Variants in CLN3 observed in about 807,000 individuals in gnomAD.
CLN3 encodes the protein battenin.
In CLN3, 49 loss-of-function variants were observed where a neutral mutation model predicts 60.7. The observed-to-expected ratio is 0.81, with a 90% CI of 0.64 to 1.02. CLN3 has a LOEUF of 1.02. Ranked by LOEUF, CLN3 falls within the 50% of genes least tolerant of loss-of-function variation. The probability of loss-of-function intolerance (pLI) is 0.00; values close to 1 mark genes in which losing one functional copy is unlikely to be tolerated. For synonymous variants in CLN3, 256 were observed against 245.8 expected, an observed-to-expected ratio of 1.04 and a Z score of -0.39; for missense variants, 516 against 557.4, an observed-to-expected ratio of 0.93 and a Z score of 0.75.
At chr16:28,487,195 G>A in intron 7 of CLN3, 1 of 561,908 alleles carries the variant, frequency 1.8e-6, no homozygotes, top group Non-Finnish European at 3.2e-6. Context: ...ATAGGCATGA[G>A]TCACTGTGCC....
chr16:28,477,930 G>A, intron 14 of CLN3, 53 bp from the exon 15 acceptor site: 2 of 1,602,504 alleles, frequency 1.2e-6, no homozygotes, highest in Non-Finnish European at 8.5e-7. Flanking sequence ...CAGGGAAGGA[G>A]AGGTGGCCTC....
chr16:28,483,295 C>A (rs2046136225), intron 10 of CLN3, among the ~76,000 whole-genome samples: 1 of 151,772 alleles, frequency 6.6e-6, no homozygotes, highest in Non-Finnish European at 1.5e-5. Context: ...AATCTCAGCT[C>A]ACTGCAGCCT....
chr16:28,482,121 G>A lies in CLN3; in HGVS notation c.1040C>T (p.Ala347Val), dbSNP rs1254880762. ...GTTTGGTACCTGCAGCAGGGCCAGGGCCCAGGTGAAACGGATGCGACAGCA... is the reference window on the plus strand; with the variant it reads ...GTTTGGTACCTGCAGCAGGGCCAGGACCCAGGTGAAACGGATGCGACAGCA... ...LRCCRIRFTW[A>V]LALLQCLNLV... is the part of the protein sequence containing the mutation. The change falls in exon 14 of 16, where the codon GCC (alanine) becomes GTC (valine). Residue 347 changes from alanine (A) to valine (V), a missense_variant. Coordinates refer to ENST00000636147, the MANE Select transcript of CLN3 (RefSeq NM_001042432.2). 3.1e-6 allele frequency: 5 copies of A among 1,613,256 alleles called. No homozygotes were observed. The highest frequency in any genetic ancestry group is 4.2e-6 in the Non-Finnish European group (5 of 1,179,800).
chr16:28,481,229 G>A (rs2046085189), intron 14 of CLN3, among the ~76,000 whole-genome samples: 1 of 151,944 alleles, frequency 6.6e-6, no homozygotes, highest in African/African-American at 2.4e-5. Flanking sequence ...TCCCACCTCA[G>A]CTTCCCAGTA....
downstream of CLN3, chr16:28,474,165 G>A (rs2045973296): frequency 6.6e-6 from 1 of 152,310 alleles, no homozygotes; most frequent in South Asian, 2.1e-4. Context: ...CTACTTGGGA[G>A]GCTGAGGCAG....
chr16:28,487,076 A>G (rs2607004), intron 7 of CLN3: 2 of 361,964 alleles, frequency 5.5e-6, no homozygotes, highest in Non-Finnish European at 1.1e-5. Context: ...ACACCCAGCT[A>G]ATTTTTGTAT....
chr16:28,488,393 T>G, intron 5 of CLN3, 198 bp downstream of exon 5: 3 of 522,936 alleles, frequency 5.7e-6, no homozygotes. Context: ...CAGGCTGGTC[T>G]CAAACTCCTA....
At chr16:28,486,815 G>A (rs550731355) in intron 7 of CLN3, 165 bp from the exon 8 acceptor site, 182 of 709,494 alleles carry the variant, frequency 2.6e-4, no homozygotes, top group Middle Eastern at 2.6e-3. Context: ...ACTCCCCTGC[G>A]TGTCCCTTCA....
intron 9 of CLN3, among the ~76,000 whole-genome samples, chr16:28,485,493 G>A (rs1266072096): frequency 7.4e-5 from 11 of 147,974 alleles, no homozygotes; most frequent in South Asian, 2.1e-4. Context: ...ACTAGAGCCC[G>A]GGAGGCCGAG....
chr16:28,492,042 T>C lies in CLN3; in HGVS notation c.-99A>G, dbSNP rs893095747. The C allele has an allele frequency of 3.6e-6, 2 of 558,918 alleles. No individual in the cohort carries two copies. The highest frequency in any genetic ancestry group is 6.4e-6 in the Non-Finnish European group (2 of 310,804). The allele number at this position is 558,918 out of a possible 1,614,324, so 34.6% of individuals were successfully genotyped here. ...TACCTTTAAGAGCAGCAGAATGTTC[T>C]GCACTATGCAGAGGCCGTTTGTCGG... is the stretch of plus-strand genomic sequence containing the variant. On this transcript the variant is annotated 5_prime_UTR_variant, in exon 1 of 16. Coordinates refer to ENST00000636147, the MANE Select transcript of CLN3 (RefSeq NM_001042432.2).
chr16:28,467,033 T>TG, the CLN3 span: 1 of 265,070 alleles, frequency 3.8e-6, no homozygotes, highest in Non-Finnish European at 6.9e-6. Context: ...CACCGTGGGA[T>TG]TCCACTGCTA....
rs1469502451 is a variant in CLN3, at chr16:28,486,097, A to C, written c.677+250T>G. 6.6e-5 allele frequency among the ~76,000 whole-genome samples: 10 copies of C among 151,816 alleles called. No individual in the cohort carries two copies. In the East Asian group the frequency reaches 1.2e-3, roughly 18 times the overall value. ...ACTGCCACCACTGCCTCCGGGGTTC[A>C]AGCGATTCTCCTGCCTTAGCCTCCT... On this transcript the variant is annotated intron_variant, in intron 9 of 15. Transcript: ENST00000636147.
intron 9 of CLN3, chr16:28,484,496 G>A (rs754133235): frequency 4.4e-5 from 11 of 250,588 alleles, no homozygotes; most frequent in Non-Finnish European, 7.2e-5. Flanking sequence ...CTACAGGCAC[G>A]TGCCACCAAG....
chr16:28,482,281 G>A (rs1439081181), intron 13 of CLN3, 46 bp downstream of exon 13: 1 of 1,606,866 alleles, frequency 6.2e-7, no homozygotes. Flanking sequence ...CAGGGCAGCT[G>A]CATCACCACG....
intron 14 of CLN3, chr16:28,479,785 C>T (rs2046057221): frequency 4.8e-6 from 1 of 209,424 alleles, no homozygotes; most frequent in African/African-American, 2.3e-5. Flanking sequence ...CAAAACAAAA[C>T]AAAAAACATT....
intron 9 of CLN3, among the ~76,000 whole-genome samples, chr16:28,486,008 T>C (rs1047216976): frequency 6.6e-6 from 1 of 151,468 alleles, no homozygotes; most frequent in African/African-American, 2.4e-5. Flanking sequence ...TTTTTTTTTT[T>C]TCTTCCTGAG....
intron 13 of CLN3, 52 bp downstream of exon 13, chr16:28,482,275 G>C (rs555927970): frequency 6.2e-7 from 1 of 1,606,260 alleles, no homozygotes; most frequent in East Asian, 2.2e-5. Flanking sequence ...ACTGGGCAGG[G>C]CAGCTGCATC....
At chr16:28,480,054 G>A (rs2046060667) in intron 14 of CLN3, among the ~76,000 whole-genome samples, 1 of 151,922 alleles carries the variant, frequency 6.6e-6, no homozygotes, top group African/African-American at 2.4e-5. Context: ...TGGAACTCCT[G>A]GGCTAAAGCG....
Position 28,483,713 on chromosome 16 carries a change from CTTTTTTTTTT to C in CLN3, c.790+283_790+292del, listed in dbSNP as rs755660742. On this transcript the variant is annotated intron_variant, in intron 10 of 15. Transcript: ENST00000636147. ...CTCCCTCCCTTCCTTCCTTTCTTTT[CTTTTTTTTTT>C]TTTTTTTTTTTTTTTTGCGACAAGG... 4.0e-5 allele frequency among the ~76,000 whole-genome samples: 4 copies of C among 100,526 alleles called. No individual in the cohort carries two copies. In the South Asian group the frequency reaches 1.3e-3, roughly 33 times the overall value. 65.9% of individuals were successfully genotyped at this position (100,526 alleles called of 152,430 possible). A position where few individuals can be genotyped will look rare whatever the true frequency, so the allele number is the denominator to read the frequency against.
Sources: gnomAD v4.1 joint callset for allele counts (sites outside exome capture counted in the v4.1 genomes callset) on GRCh38, gnomAD v4.1.1 for gene constraint, MANE v1.5 for transcripts, NCBI Gene and HGNC (gene_info 2026-07-23, HGNC 2026-07-21) for gene names.